Variants in ZFAND3 observed in about 807,000 individuals in gnomAD.
ZFAND3 encodes zinc finger AN1-type containing 3.
Under a neutral mutation model 29.6 loss-of-function variants are expected in ZFAND3, and 10 were observed. The ratio of observed to expected loss-of-function variants is 0.34; its 90% CI spans 0.21 to 0.57. The LOEUF (loss-of-function observed/expected upper bound fraction) is 0.57, where lower values mean the gene tolerates loss of function less well. ZFAND3 is among the 20% of genes least tolerant of loss of function. ZFAND3 has a pLI of 0.86. For synonymous variants in ZFAND3, 128 were observed against 112.6 expected (o/e 1.14, Z -0.87); for missense variants, 230 against 304.5 (o/e 0.76, Z 1.82).
intron 4 of ZFAND3, among the ~76,000 whole-genome samples, chr6:38,106,393 G>A (rs1395924363): frequency 3.3e-5 from 5 of 152,106 alleles, no homozygotes; most frequent in Admixed American, 2.6e-4. Context: ...CAGGTGATCT[G>A]CCCACCTCGG....
Position 37,994,774 on chromosome 6 carries a change from C to G in ZFAND3, c.112+64775C>G, listed in dbSNP as rs753315880. Among the ~76,000 whole-genome samples the G allele has an allele frequency of 3.9e-5, 6 of 152,028 alleles. No individual in the cohort carries two copies. In the South Asian group the frequency reaches 1.2e-3, roughly 31 times the overall value. On this transcript the variant is annotated intron_variant, in intron 2 of 5. Transcript: ENST00000287218. ...GTAATTTGAAACAATGAAGATTTAC[C>G]AAGGATATAAGGCCAGATTTTTGCA...
At chr6:37,860,637 GTTTTTTTTTTT>G (rs58902274) in intron 1 of ZFAND3, among the ~76,000 whole-genome samples, 5 of 97,244 alleles carry the variant, frequency 5.1e-5, no homozygotes, top group African/African-American at 8.6e-5. Context: ...TATTCACTTA[GTTTTTTTTTTT>G]TTTTTTTTTA....
chr6:37,965,298 A>G (rs1762273918), intron 2 of ZFAND3, among the ~76,000 whole-genome samples: 1 of 152,190 alleles, frequency 6.6e-6, no homozygotes, highest in East Asian at 1.9e-4. Context: ...TTTTTAGACC[A>G]GTAACAATTT....
rs200749686 is a variant in ZFAND3, at chr6:37,826,752, C to CA, written c.71+6751dup. ...TGGGCAACACAGTGAGACTCCATCT[C>CA]AAAAAAAAAAAAAAAGTGTCTAATA... On this transcript the variant is annotated intron_variant, in intron 1 of 5. Transcript: ENST00000287218. 0.03 allele frequency among the ~76,000 whole-genome samples: 2,930 copies of CA among 96,338 alleles called. 234 individuals carry two copies. The East Asian group carries it at 0.33, about 11-fold the overall frequency. The allele number at this position is 96,338 out of a possible 152,430, so 63.2% of individuals were successfully genotyped here.
chr6:38,144,184 A>AATATAT (rs1554183921), intron 5 of ZFAND3, among the ~76,000 whole-genome samples: 1,746 of 42,280 alleles, frequency 0.041, 26 homozygotes, highest in Admixed American at 0.085. Flanking sequence ...ATATATATAT[A>AATATAT]ATATATATAT....
chr6:37,973,087 C>G (rs1762417507), intron 2 of ZFAND3, among the ~76,000 whole-genome samples: 1 of 152,014 alleles, frequency 6.6e-6, no homozygotes, highest in African/African-American at 2.4e-5. Flanking sequence ...GATTGTTTCA[C>G]TGCTTTTTCT....
At position 37,983,343 on chromosome 6, in the gene ZFAND3, C is replaced by CT. The variant is rs70981516; in HGVS notation, c.112+53374dup. Among the ~76,000 whole-genome samples the CT allele has an allele frequency of 6.3e-3, 317 of 50,048 alleles. 15 individuals carry two copies. Among genetic ancestry groups the CT allele is most frequent in the African/African-American group, 0.016 (199 of 12,356 alleles). The allele number at this position is 50,048 out of a possible 152,430, so 32.8% of individuals were successfully genotyped here. A position where few individuals can be genotyped will look rare whatever the true frequency, so the allele number is the denominator to read the frequency against. On this transcript the variant is annotated intron_variant, in intron 2 of 5. Transcript: ENST00000287218. The stretch of plus-strand genomic sequence containing the variant: ...CCTATACAGGTGTACCAGTTTTTAT[C>CT]TTTTTTTTTTTTTTTTTTTTTTTTT...
At chr6:37,839,617 T>A (rs1181518939) in intron 1 of ZFAND3, among the ~76,000 whole-genome samples, 1 of 149,122 alleles carries the variant, frequency 6.7e-6, no homozygotes, top group African/African-American at 2.5e-5. Context: ...CGGGTTCAAG[T>A]GATTCTCCTG....
chr6:37,899,755 A>G (rs550876933), intron 1 of ZFAND3, among the ~76,000 whole-genome samples: 1 of 152,226 alleles, frequency 6.6e-6, no homozygotes, highest in Non-Finnish European at 1.5e-5. Flanking sequence ...TGCACATGGT[A>G]AAAATTTAAA....
intron 4 of ZFAND3, among the ~76,000 whole-genome samples, chr6:38,092,011 C>A (rs1764883322): frequency 6.6e-6 from 1 of 152,096 alleles, no homozygotes; most frequent in Admixed American, 6.6e-5. Flanking sequence ...TTCCTGCTTG[C>A]TCATCTGTCT....
intron 2 of ZFAND3, among the ~76,000 whole-genome samples, chr6:38,007,163 A>G (rs71569401): frequency 6.6e-6 from 1 of 152,238 alleles, no homozygotes; most frequent in South Asian, 2.1e-4. Flanking sequence ...AACAAATGTA[A>G]CAATATAGCA....
At chr6:38,063,719 G>A (rs183074631) in intron 3 of ZFAND3, among the ~76,000 whole-genome samples, 63 of 152,310 alleles carry the variant, frequency 4.1e-4, no homozygotes, top group Admixed American at 1.7e-3. Context: ...AAGGCTGGAA[G>A]GGTAAGTTGT....
chr6:37,992,371 ATTC>A (rs1226888600), intron 2 of ZFAND3, among the ~76,000 whole-genome samples: 3 of 152,220 alleles, frequency 2.0e-5, no homozygotes, highest in Non-Finnish European at 2.9e-5. Flanking sequence ...TCCCACAATC[ATTC>A]TTCTCCTCTA....
At chr6:37,901,800 A>G (rs1765323840) in intron 1 of ZFAND3, among the ~76,000 whole-genome samples, 1 of 152,220 alleles carries the variant, frequency 6.6e-6, no homozygotes, top group Non-Finnish European at 1.5e-5. Context: ...CTGAACCACT[A>G]GCAGACTGAC....
At chr6:37,956,995 G>A (rs1762095525) in intron 2 of ZFAND3, among the ~76,000 whole-genome samples, 1 of 152,116 alleles carries the variant, frequency 6.6e-6, no homozygotes, top group Non-Finnish European at 1.5e-5. Flanking sequence ...ATCTCGCTGA[G>A]TTTCTAGGGA....
chr6:37,924,795 A>C (rs559195507), intron 1 of ZFAND3, among the ~76,000 whole-genome samples: 1 of 152,030 alleles, frequency 6.6e-6, no homozygotes, highest in Non-Finnish European at 1.5e-5. Flanking sequence ...GGTCTGGGCA[A>C]CAGAATGAGA....
At chr6:37,991,466 C>T (rs1230877299) in intron 2 of ZFAND3, among the ~76,000 whole-genome samples, 1 of 152,036 alleles carries the variant, frequency 6.6e-6, no homozygotes, top group Admixed American at 6.5e-5. Context: ...GATTCTCCTG[C>T]CTCATCCTCC....
chr6:37,930,102 C>T (rs1761567333), intron 2 of ZFAND3, 103 bp downstream of exon 2: 1 of 1,150,154 alleles, frequency 8.7e-7, no homozygotes, highest in Non-Finnish European at 1.2e-6. Flanking sequence ...AGGATTTATG[C>T]ATGGGGTTTT....
intron 1 of ZFAND3, among the ~76,000 whole-genome samples, chr6:37,824,068 G>A (rs1456991823): frequency 6.6e-6 from 1 of 152,198 alleles, no homozygotes; most frequent in Non-Finnish European, 1.5e-5. Context: ...GAGCCACCGC[G>A]CCTGGCCGGT....
Sources: gnomAD v4.1 joint callset for allele counts (sites outside exome capture counted in the v4.1 genomes callset) on GRCh38, gnomAD v4.1.1 for gene constraint, MANE v1.5 for transcripts, NCBI Gene and HGNC (gene_info 2026-07-23, HGNC 2026-07-21) for gene names.